Variants in PGD observed in about 807,000 individuals in gnomAD.
PGD encodes the protein phosphogluconate dehydrogenase.
PGD carries 21 observed loss-of-function variants against 60.4 expected under a neutral mutation model. The observed-to-expected ratio is 0.35, with a 90% CI of 0.25 to 0.50. The LOEUF is 0.50. PGD is among the 20% of genes least tolerant of loss of function. PGD has a pLI of 0.98. For synonymous variants in PGD, 230 were observed against 235.9 expected, an observed-to-expected ratio of 0.97 and a Z score of 0.23; for missense variants, 477 against 613.1, an observed-to-expected ratio of 0.78 and a Z score of 2.34.
intron 6 of PGD, 43 bp downstream of exon 6, chr1:10,408,183 C>A: frequency 1.8e-6 from 2 of 1,122,474 alleles, no homozygotes; most frequent in Non-Finnish European, 2.7e-6. Flanking sequence ...GCAACATGGG[C>A]GTGTCTAAGT....
intron 6 of PGD, among the ~76,000 whole-genome samples, chr1:10,409,622 C>A (rs1364667286): frequency 2.7e-5 from 4 of 145,846 alleles, no homozygotes; most frequent in Non-Finnish European, 6.0e-5. Context: ...ACAAAAAGAT[C>A]ACTGCAATAA....
At chr1:10,405,453 G>C (rs1171911154) in intron 5 of PGD, among the ~76,000 whole-genome samples, 1 of 143,746 alleles carries the variant, frequency 7.0e-6, no homozygotes, top group Non-Finnish European at 1.5e-5. Flanking sequence ...TGGGCAATCC[G>C]ATATATATAT....
chr1:10,400,138 A>G, intron 2 of PGD: 1 of 490,022 alleles, frequency 2.0e-6, no homozygotes, highest in South Asian at 3.1e-5. Context: ...TTTGATTTTG[A>G]GTCCTAACAC....
intron 6 of PGD, among the ~76,000 whole-genome samples, chr1:10,408,555 A>T (rs1235646631): frequency 6.6e-6 from 1 of 152,172 alleles, no homozygotes; most frequent in African/African-American, 2.4e-5. Flanking sequence ...GAACGTGGAA[A>T]ATTCCCCATC....
intron 3 of PGD, among the ~76,000 whole-genome samples, chr1:10,402,043 T>C: frequency 6.6e-6 from 1 of 150,854 alleles, no homozygotes; most frequent in South Asian, 2.1e-4. Context: ...ATTAATTAAT[T>C]AATAAAGTAA....
intron 6 of PGD, among the ~76,000 whole-genome samples, chr1:10,409,951 C>G (rs1244892068): frequency 6.6e-6 from 1 of 152,136 alleles, no homozygotes; most frequent in African/African-American, 2.4e-5. Context: ...CCACCGCACC[C>G]AGCCTGCAAC....
intron 8 of PGD, 72 bp downstream of exon 8, chr1:10,413,323 A>T (rs1276646040): frequency 7.3e-7 from 1 of 1,362,666 alleles, no homozygotes; most frequent in Non-Finnish European, 1.0e-6. Flanking sequence ...ACAGATACAG[A>T]CTGGTCTTTA....
chr1:10,405,817 C>G (rs1013801774), intron 5 of PGD, among the ~76,000 whole-genome samples: 15 of 150,582 alleles, frequency 1.0e-4, no homozygotes, highest in African/African-American at 3.7e-4. Context: ...TCATGGGTGA[C>G]AGAGCGAGAC....
chr1:10,408,702 A>T (rs984453259), intron 6 of PGD, among the ~76,000 whole-genome samples: 15 of 152,180 alleles, frequency 9.9e-5, no homozygotes, highest in African/African-American at 2.4e-5. Context: ...TCCACCTCCC[A>T]GGCTCAAGCA....
In PGD at chr1:10,409,741, C is replaced by T. The variant is rs566205799; in HGVS notation, c.519+1601C>T. Among the ~76,000 whole-genome samples, 546 of 141,316 alleles carry T rather than the reference C, an allele frequency of 3.9e-3. 4 individuals carry two copies. Among genetic ancestry groups the T allele is most frequent in the African/African-American group, 0.014 (520 of 37,868 alleles). 92.7% of individuals were successfully genotyped at this position (141,316 alleles called of 152,430 possible). A position where few individuals can be genotyped will look rare whatever the true frequency, so the allele number is the denominator to read the frequency against. ...CATAATCTCAGCTCACTGCAACTTC[C>T]GCCTCCTGGGTTCAAGCGATTCTCA... On this transcript the variant is annotated intron_variant, in intron 6 of 12. Coordinates refer to ENST00000270776, the MANE Select transcript of PGD (RefSeq NM_002631.4).
chr1:10,401,402 TAGA>T (rs1450433815), intron 3 of PGD, among the ~76,000 whole-genome samples: 1 of 152,182 alleles, frequency 6.6e-6, no homozygotes, highest in Non-Finnish European at 1.5e-5. Context: ...CACTCCCATT[TAGA>T]AGAAATGTTT....
At chr1:10,399,401 A>C (rs2102382948) in intron 1 of PGD, 1 of 474,362 alleles carries the variant, frequency 2.1e-6, no homozygotes, top group East Asian at 3.7e-5. Flanking sequence ...GTCTGCAGGG[A>C]CACCTGCGGG....
rs763839432 is a variant in PGD, at chr1:10,418,853, A to C, written c.1137A>C (p.Ala379=). ...TATTCCTAGGAAAGATAAAGGATGC[A>C]TTTGATCGAAACCCGGAACTTCAGA... The part of the protein sequence containing the change: ...RSVFLGKIKD[A]FDRNPELQNL... Residue 379 remains alanine (A), a synonymous_variant, in exon 11 of 13, where the codon GCA becomes GCC. Transcript: ENST00000270776. 5.6e-6 allele frequency: 9 copies of C among 1,607,776 alleles called. No individual in the cohort carries two copies. Among genetic ancestry groups the C allele is most frequent in the Middle Eastern group, 1.6e-4 (1 of 6,072 alleles).
chr1:10,399,610 T>G lies in PGD; in HGVS notation c.9-19T>G. Reference sequence around the variant, plus strand: ...GAGCGGTGCTGACTCTTTCCTTTGTTCTGTTTCTGCCTCTCTAGAGCTGAC... The same window carrying G: ...GAGCGGTGCTGACTCTTTCCTTTGTGCTGTTTCTGCCTCTCTAGAGCTGAC... On this transcript the variant is annotated intron_variant, in intron 1 of 12. Transcript: ENST00000270776. 1 of 1,611,576 alleles carries G rather than the reference T, an allele frequency of 6.2e-7. No homozygotes were observed. Among genetic ancestry groups the G allele is most frequent in the Non-Finnish European group, 8.5e-7 (1 of 1,178,684 alleles).
chr1:10,408,783 AT>A (rs531951617), intron 6 of PGD, among the ~76,000 whole-genome samples: 7 of 152,058 alleles, frequency 4.6e-5, no homozygotes, highest in Non-Finnish European at 8.8e-5. Context: ...TAATATTTGT[AT>A]TTTTTGTAGA....
At chr1:10,400,604 C>A (rs774972665) in intron 3 of PGD, 32 bp downstream of exon 3, 1 of 1,524,732 alleles carries the variant, frequency 6.6e-7, no homozygotes, top group Non-Finnish European at 8.9e-7. Flanking sequence ...GCTGCTACCA[C>A]GATAGCAGCT....
intron 11 of PGD, 106 bp from the exon 12 acceptor site, chr1:10,419,311 C>T: frequency 4.7e-6 from 7 of 1,486,820 alleles, no homozygotes; most frequent in Non-Finnish European, 6.3e-6. Flanking sequence ...GCCACCGCGC[C>T]TGGCCTAACC....
Position 10,408,055 on chromosome 1 carries a change from CTG to C in PGD, c.450-14_450-13del. 1 of 1,550,758 alleles carries C rather than the reference CTG, an allele frequency of 6.4e-7. No homozygotes were observed. Reference sequence around the variant, plus strand: ...GTCTCTTCTCATTAACTGAACCACACTGTTTCTTTACACAGGCCCCACATCAA... The same window carrying C: ...GTCTCTTCTCATTAACTGAACCACACTTTCTTTACACAGGCCCCACATCAA... On this transcript the variant is annotated splice_polypyrimidine_tract_variant and intron_variant, in intron 5 of 12. Transcript: ENST00000270776.
chr1:10,404,689 A>G (rs1468722129), intron 5 of PGD, among the ~76,000 whole-genome samples: 1 of 152,090 alleles, frequency 6.6e-6, no homozygotes, highest in Non-Finnish European at 1.5e-5. Context: ...TAGTAGAGAC[A>G]GGGTTTCACC....
Sources: gnomAD v4.1 joint callset for allele counts (sites outside exome capture counted in the v4.1 genomes callset) on GRCh38, gnomAD v4.1.1 for gene constraint, MANE v1.5 for transcripts, NCBI Gene and HGNC (gene_info 2026-07-23, HGNC 2026-07-21) for gene names.